Variants in GRIK2 observed in about 807,000 individuals in gnomAD.
GRIK2 encodes glutamate ionotropic receptor kainate type subunit 2.
In GRIK2, 32 loss-of-function variants were observed where a neutral mutation model predicts 100.3. The observed-to-expected ratio is 0.32, with a 90% confidence interval of 0.24 to 0.43. GRIK2 has a LOEUF of 0.43. Among genes scored for constraint, GRIK2 ranks in the 20% least tolerant of loss-of-function variants. GRIK2 has a pLI of 1.00. For missense variants in GRIK2, 843 were observed against 1,114.9 expected (o/e 0.76, Z 3.47); for synonymous variants, 417 against 389.4 (o/e 1.07, Z -0.83).
chr6:101,962,478 G>A (rs1213842384), intron 14 of GRIK2, among the ~76,000 whole-genome samples: 1 of 152,162 alleles, frequency 6.6e-6, no homozygotes, highest in East Asian at 1.9e-4. Flanking sequence ...AGTACCATGT[G>A]TACTTGAGAA....
At chr6:101,735,032 AT>A (rs1479361742) in intron 7 of GRIK2, among the ~76,000 whole-genome samples, 3 of 152,166 alleles carry the variant, frequency 2.0e-5, no homozygotes, top group Admixed American at 2.0e-4. Flanking sequence ...CAGTGGCTAG[AT>A]TTAGCAAATA....
intron 2 of GRIK2, among the ~76,000 whole-genome samples, chr6:101,458,891 T>A (rs1284352545): frequency 6.6e-6 from 1 of 152,214 alleles, no homozygotes; most frequent in Admixed American, 6.5e-5. Context: ...ATGGCTTGTA[T>A]TAATTTAAAA....
At chr6:101,411,591 CTAT>C (rs1330372242) in intron 2 of GRIK2, among the ~76,000 whole-genome samples, 3 of 152,022 alleles carry the variant, frequency 2.0e-5, no homozygotes, top group Non-Finnish European at 4.4e-5. Flanking sequence ...TATGATTCTT[CTAT>C]TTATAATGAG....
intron 14 of GRIK2, among the ~76,000 whole-genome samples, chr6:101,975,793 G>GTCTATCTATCTGTCTA (rs1450931270): frequency 1.0e-3 from 100 of 96,968 alleles, no homozygotes; most frequent in East Asian, 2.1e-3. Flanking sequence ...CTGTCTGTCT[G>GTCTATCTATCTGTCTA]TCTATCTATC....
At chr6:101,876,354 T>G (rs777169717) in intron 11 of GRIK2, among the ~76,000 whole-genome samples, 8 of 151,852 alleles carry the variant, frequency 5.3e-5, no homozygotes, top group Non-Finnish European at 1.0e-4. Flanking sequence ...ATCTGGATCC[T>G]TTTTTATAAA....
At chr6:102,007,152 A>G (rs1009774108) in intron 14 of GRIK2, among the ~76,000 whole-genome samples, 2 of 152,134 alleles carry the variant, frequency 1.3e-5, no homozygotes, top group African/African-American at 4.8e-5. Context: ...ATGGTTCCTT[A>G]AAGATAACTC....
At chr6:101,607,212 T>C (rs536171362) in intron 2 of GRIK2, among the ~76,000 whole-genome samples, 1 of 152,012 alleles carries the variant, frequency 6.6e-6, no homozygotes. Context: ...TGTATATTTA[T>C]AGTGCTTGCA....
Position 101,690,452 on chromosome 6 carries a change from A to G in GRIK2, c.951+4099A>G, listed in dbSNP as rs1347769571. ...CTGTATCAATATTTTTCTTAACTAC[A>G]TTCATCTTTTCAACCCAGAACTTTA... is the stretch of plus-strand genomic sequence containing the variant. On this transcript the variant is annotated intron_variant, in intron 7 of 16. Transcript: ENST00000369134. Among the ~76,000 whole-genome samples the G allele has an allele frequency of 3.9e-5, 6 of 152,168 alleles. No individual in the cohort carries two copies. In the East Asian group the frequency reaches 9.7e-4, roughly 24 times the overall value.
intron 2 of GRIK2, among the ~76,000 whole-genome samples, chr6:101,565,141 C>T (rs767456789): frequency 6.6e-6 from 1 of 152,080 alleles, no homozygotes; most frequent in Non-Finnish European, 1.5e-5. Context: ...CGGTCTGAAA[C>T]ATCTGCACTT....
At chr6:101,454,704 G>T (rs901771670) in intron 2 of GRIK2, among the ~76,000 whole-genome samples, 2 of 152,008 alleles carry the variant, frequency 1.3e-5, no homozygotes, top group African/African-American at 4.8e-5. Context: ...TTTGAGAAAA[G>T]TTCCAATAGC....
intron 11 of GRIK2, among the ~76,000 whole-genome samples, chr6:101,889,279 A>C (rs1039657370): frequency 9.9e-5 from 15 of 152,140 alleles, no homozygotes; most frequent in African/African-American, 3.6e-4. Context: ...AATATTAAAT[A>C]GATTTTTAAA....
intron 2 of GRIK2, among the ~76,000 whole-genome samples, chr6:101,602,009 T>A (rs1779236580): frequency 6.6e-6 from 1 of 151,782 alleles, no homozygotes. Flanking sequence ...CTAGGAGTGA[T>A]GTTAAATTGT....
intron 2 of GRIK2, among the ~76,000 whole-genome samples, chr6:101,463,892 G>A (rs1771476055): frequency 6.6e-6 from 1 of 152,060 alleles, no homozygotes; most frequent in African/African-American, 2.4e-5. Flanking sequence ...AACTTTATTG[G>A]ATTAAAGGAT....
rs530242380 is a variant in GRIK2 at position 101,490,621 on chromosome 6, G to A, written c.115+91229G>A. ...TATTGTCTTGAAGAGAGGCATTAAC[G>A]TAAGATAAATGTTGATAAAAGGTAT... On this transcript the variant is annotated intron_variant, in intron 2 of 16. Transcript: ENST00000369134. Among the ~76,000 whole-genome samples the A allele has an allele frequency of 8.2e-5, 12 of 146,904 alleles. No homozygotes were observed. The South Asian group carries it at 2.2e-3, about 26-fold the overall frequency.
At chr6:101,779,875 C>CTA (rs1212815935) in intron 7 of GRIK2, among the ~76,000 whole-genome samples, 25 of 151,190 alleles carry the variant, frequency 1.7e-4, no homozygotes, top group African/African-American at 6.1e-4. Context: ...AAATCTCTCT[C>CTA]TCTATATATA....
intron 7 of GRIK2, among the ~76,000 whole-genome samples, 158 bp from the exon 8 acceptor site, chr6:101,799,490 G>A (rs1780539119): frequency 6.6e-6 from 1 of 152,070 alleles, no homozygotes; most frequent in East Asian, 1.9e-4. Flanking sequence ...TCTTGTTTAA[G>A]AGAACGAGAG....
chr6:101,400,238 A>G (rs1775220915), intron 2 of GRIK2, among the ~76,000 whole-genome samples: 1 of 152,158 alleles, frequency 6.6e-6, no homozygotes, highest in Non-Finnish European at 1.5e-5. Context: ...TTTTATGGAA[A>G]TGTATTGCTT....
chr6:101,808,358 C>G (rs1338801481), intron 9 of GRIK2, among the ~76,000 whole-genome samples: 1 of 152,002 alleles, frequency 6.6e-6, no homozygotes, highest in Non-Finnish European at 1.5e-5. Context: ...AAAGAATTTC[C>G]TATAGGAAAC....
intron 14 of GRIK2, among the ~76,000 whole-genome samples, chr6:101,929,754 C>A (rs1790140837): frequency 6.6e-6 from 1 of 151,730 alleles, no homozygotes; most frequent in Non-Finnish European, 1.5e-5. Flanking sequence ...ATCCAATTCC[C>A]CCAAAAATAA....
Sources: allele counts gnomAD v4.1 joint callset (sites outside exome capture counted in the v4.1 genomes callset), GRCh38; gene constraint gnomAD v4.1.1; transcripts MANE v1.5; gene names NCBI Gene and HGNC (gene_info 2026-07-23, HGNC 2026-07-21).